DOCK8: variants seen among roughly 807,000 people sequenced by gnomAD.
The protein encoded by DOCK8 is dedicator of cytokinesis 8.
DOCK8 carries 141 observed loss-of-function variants against 245.6 expected under a neutral mutation model. That is an observed-to-expected ratio of 0.57 (90% CI 0.50 to 0.66). The LOEUF (loss-of-function observed/expected upper bound fraction) is 0.66, where lower values mean the gene tolerates loss of function less well. Ranked by LOEUF, DOCK8 falls within the 30% of genes least tolerant of loss-of-function variation. The pLI is 0.00. For missense variants in DOCK8, 2,965 were observed against 2,603.4 expected (o/e 1.14, Z -3.02); for synonymous variants, 1,168 against 970.2 (o/e 1.20, Z -3.79).
intron 23 of DOCK8, among the ~76,000 whole-genome samples, chr9:388,817 G>A (rs2054065596): frequency 6.6e-6 from 1 of 152,110 alleles, no homozygotes; most frequent in Non-Finnish European, 1.5e-5. Context: ...GCCTCCCAAA[G>A]TGCTAGGATT....
At chr9:212,951 C>T (rs924875180), upstream of DOCK8, 1 of 152,168 alleles carries the variant, frequency 6.6e-6, no homozygotes, top group African/African-American at 2.4e-5. Context: ...ACACCGTGGA[C>T]CGAAGCCTCT....
intron 46 of DOCK8, chr9:456,780 T>G (rs1006038227): frequency 3.3e-5 from 5 of 152,020 alleles, no homozygotes; most frequent in African/African-American, 1.2e-4. Context: ...ATCTTCCTCT[T>G]CTGCTCCCCC....
chr9:441,804 C>T, intron 41 of DOCK8, 71 bp from the exon 42 acceptor site: 1 of 1,595,840 alleles, frequency 6.3e-7, no homozygotes, highest in South Asian at 1.1e-5. Flanking sequence ...TGAGAGACCC[C>T]TGCCCTTTGC....
chr9:258,335 A>G (rs1329834824), intron 1 of DOCK8, among the ~76,000 whole-genome samples: 1 of 130,820 alleles, frequency 7.6e-6, no homozygotes, highest in Admixed American at 8.0e-5. Context: ...CCTTTCATGA[A>G]TATACAGCAT....
intron 1 of DOCK8, among the ~76,000 whole-genome samples, chr9:254,762 G>A (rs1456317884): frequency 6.6e-6 from 1 of 152,194 alleles, no homozygotes; most frequent in Non-Finnish European, 1.5e-5. Context: ...TTGGCTTAAT[G>A]ATGAGACAGG....
intron 2 of DOCK8, among the ~76,000 whole-genome samples, chr9:276,063 G>A (rs2048334505): frequency 6.6e-6 from 1 of 151,426 alleles, no homozygotes; most frequent in African/African-American, 2.4e-5. Flanking sequence ...GCTAATTTTT[G>A]TATTTTTAGT....
At chr9:408,959 C>G (rs1196483742) in intron 28 of DOCK8, among the ~76,000 whole-genome samples, 3 of 152,126 alleles carry the variant, frequency 2.0e-5, no homozygotes, top group African/African-American at 2.4e-5. Flanking sequence ...CAGTGTAACT[C>G]CTTTGGCAAC....
At chr9:253,230 G>A (rs918006398) in intron 1 of DOCK8, among the ~76,000 whole-genome samples, 5 of 152,120 alleles carry the variant, frequency 3.3e-5, no homozygotes, top group Admixed American at 3.3e-4. Flanking sequence ...ATATCACACT[G>A]TACTAAGGTT....
chr9:229,846 T>A (rs970831246), intron 1 of DOCK8, among the ~76,000 whole-genome samples: 16 of 152,108 alleles, frequency 1.1e-4, no homozygotes, highest in African/African-American at 3.4e-4. Context: ...TCCAATGGTT[T>A]AAACAAATTA....
At chr9:250,948 G>T (rs1278379134) in intron 1 of DOCK8, among the ~76,000 whole-genome samples, 2 of 152,158 alleles carry the variant, frequency 1.3e-5, no homozygotes, top group Admixed American at 6.5e-5. Context: ...CTCAGGGGAA[G>T]GGGAGAGAAT....
intron 14 of DOCK8, among the ~76,000 whole-genome samples, chr9:364,947 C>G (rs976726355): frequency 6.6e-6 from 1 of 152,062 alleles, no homozygotes; most frequent in African/African-American, 2.4e-5. Flanking sequence ...AGCTCAACCC[C>G]AAAGATGAGA....
intron 25 of DOCK8, among the ~76,000 whole-genome samples, chr9:398,128 C>T (rs1454628665): frequency 2.6e-5 from 4 of 152,182 alleles, no homozygotes; most frequent in African/African-American, 7.2e-5. Context: ...GGTATCTCCA[C>T]ATTGGCAGGT....
rs748909379 is a variant in DOCK8 at position 317,062 on chromosome 9, G to A, written c.761G>A (p.Arg254His). The A allele has an allele frequency of 2.8e-5, 45 of 1,613,790 alleles. 1 individual carries two copies. The East Asian group carries it at 8.2e-4, about 30-fold the overall frequency. Reference protein sequence around the residue: ...SVDEEDAVEIRPVPECPKEHL... With the variant: ...SVDEEDAVEIHPVPECPKEHL... ...AAATAGGAGGATGCTGTGGAAATAC[G>A]TCCAGTACCAGAATGTCCCAAGGAA... Residue 254 changes from arginine (R) to histidine (H), a missense_variant, in exon 7 of 48, where the codon CGT becomes CAT. Arg to His is a conservative substitution (Grantham distance 29). This residue lies in a region of DOCK8 where 2,825 missense variants were observed against 2,453.5 expected (regional missense o/e 1.15). Coordinates refer to ENST00000432829, the MANE Select transcript of DOCK8 (RefSeq NM_203447.4).
intron 18 of DOCK8, among the ~76,000 whole-genome samples, chr9:374,711 C>G (rs1384608071): frequency 6.6e-6 from 1 of 151,694 alleles, no homozygotes; most frequent in Non-Finnish European, 1.5e-5. Context: ...TGTGATCCTC[C>G]CACTTTGGAC....
intron 37 of DOCK8, among the ~76,000 whole-genome samples, chr9:432,758 T>C (rs1264548157): frequency 6.6e-6 from 1 of 152,064 alleles, no homozygotes. Flanking sequence ...AAATTGTGAG[T>C]AGTTGAAACA....
At position 277,471 on chromosome 9, in the gene DOCK8, GAA is replaced by G. The variant is rs1563865242; in HGVS notation, c.156+5743_156+5744del. Among the ~76,000 whole-genome samples the G allele has an allele frequency of 4.6e-4, 67 of 144,642 alleles. 3 individuals carry two copies. Among genetic ancestry groups the G allele is most frequent in the African/African-American group, 1.2e-3 (43 of 35,626 alleles). The allele number at this position is 144,642 out of a possible 152,430, so 94.9% of individuals were successfully genotyped here. On this transcript the variant is annotated intron_variant, in intron 2 of 47. Transcript: ENST00000432829. Reference sequence around the variant, plus strand: ...GAGAAGAGAAAGAGAGAAGAGAAGAGAAGAGAAGAGAAGAGAAGACATACAAA... The same window carrying G: ...GAGAAGAGAAAGAGAGAAGAGAAGAGGAGAAGAGAAGAGAAGACATACAAA...
chr9:230,610 G>C (rs1488294884), intron 1 of DOCK8, among the ~76,000 whole-genome samples: 6 of 151,920 alleles, frequency 3.9e-5, no homozygotes, highest in Non-Finnish European at 7.4e-5. Context: ...GTGTGAGATG[G>C]TATCTCATTG....
chr9:417,518 C>T (rs117794264), intron 29 of DOCK8, among the ~76,000 whole-genome samples: 3,383 of 152,248 alleles, frequency 0.022, 52 homozygotes, highest in Non-Finnish European at 0.035. Flanking sequence ...TGATTGTATA[C>T]TGGTAGCATT....
intron 8 of DOCK8, among the ~76,000 whole-genome samples, chr9:325,952 G>GAGT (rs1392745503): frequency 6.6e-6 from 1 of 152,224 alleles, no homozygotes; most frequent in African/African-American, 2.4e-5. Context: ...GAGGCTACTG[G>GAGT]AGGTGCTGGC....
Sources: allele counts gnomAD v4.1 joint callset (sites outside exome capture counted in the v4.1 genomes callset), GRCh38; gene constraint gnomAD v4.1.1; regional missense constraint gnomAD v4.1.1; transcripts MANE v1.5; gene names NCBI Gene and HGNC (gene_info 2026-07-23, HGNC 2026-07-21).